CEP89: variants seen among roughly 807,000 people sequenced by gnomAD.
The protein encoded by CEP89 is centrosomal protein 89.
In CEP89, 95 loss-of-function variants were observed where a neutral mutation model predicts 97.6. The observed-to-expected ratio is 0.97, with a 90% CI of 0.82 to 1.15. The LOEUF is 1.15. Ranked by LOEUF, CEP89 falls within the 50% of genes most tolerant of loss-of-function variation. The probability of loss-of-function intolerance (pLI) is 0.00; values close to 1 mark genes in which losing one functional copy is unlikely to be tolerated. For synonymous variants in CEP89, 354 were observed against 349.1 expected (o/e 1.01, Z -0.16); for missense variants, 869 against 947.7 (o/e 0.92, Z 1.09).
intron 1 of CEP89, among the ~76,000 whole-genome samples, chr19:32,966,846 C>T (rs1313090952): frequency 2.0e-5 from 3 of 152,094 alleles, no homozygotes; most frequent in Admixed American, 6.6e-5. Context: ...TATTGTTTTT[C>T]GCTTTGTTTT....
rs8101317 is a variant in CEP89 at position 32,888,956 on chromosome 19, C to T, written c.1876-1115G>A. On this transcript the variant is annotated intron_variant, in intron 16 of 18. Coordinates refer to ENST00000305768, the MANE Select transcript of CEP89 (RefSeq NM_032816.5). ...TCCTGGGTAGCTAGGACTACAGGCA[C>T]GCGCCACCATGCCCAGCTAATTTGG... is the stretch of plus-strand genomic sequence containing the variant. Among the ~76,000 whole-genome samples, 436 of 152,080 alleles carry T rather than the reference C, an allele frequency of 2.9e-3. 2 individuals are homozygous for T. Among genetic ancestry groups the T allele is most frequent in the African/African-American group, 0.01 (418 of 41,536 alleles).
chr19:32,940,643 C>T (rs1970669432), intron 5 of CEP89, among the ~76,000 whole-genome samples: 1 of 152,192 alleles, frequency 6.6e-6, no homozygotes, highest in Non-Finnish European at 1.5e-5. Context: ...GAGAGGAAAA[C>T]AAATCTCACC....
intron 9 of CEP89, among the ~76,000 whole-genome samples, chr19:32,929,344 G>C (rs534035876): frequency 3.3e-5 from 5 of 152,158 alleles, no homozygotes; most frequent in Non-Finnish European, 7.3e-5. Context: ...GTTCATGCCT[G>C]TAATCCCAGC....
At chr19:32,960,303 C>A (rs935106979) in intron 2 of CEP89, among the ~76,000 whole-genome samples, 35 of 152,014 alleles carry the variant, frequency 2.3e-4, no homozygotes, top group African/African-American at 8.5e-4. Context: ...GATTACCTAG[C>A]CAATAGGAGG....
At chr19:32,921,834 C>T (rs1278862410) in intron 12 of CEP89, among the ~76,000 whole-genome samples, 4 of 152,150 alleles carry the variant, frequency 2.6e-5, no homozygotes, top group Admixed American at 6.5e-5. Context: ...TCCCACCTGA[C>T]GCATCGGTGA....
At chr19:32,904,016 C>T (rs1284272386) in intron 14 of CEP89, among the ~76,000 whole-genome samples, 1 of 152,064 alleles carries the variant, frequency 6.6e-6, no homozygotes, top group Non-Finnish European at 1.5e-5. Context: ...AAAAATTAGC[C>T]GGGAGCAGTG....
At chr19:32,958,294 G>A (rs1334333137) in intron 3 of CEP89, among the ~76,000 whole-genome samples, 1 of 152,022 alleles carries the variant, frequency 6.6e-6, no homozygotes, top group African/African-American at 2.4e-5. Context: ...CTAATAGTAG[G>A]AAGGGTCTTA....
At chr19:32,935,571 C>T (rs374398068) in intron 7 of CEP89, among the ~76,000 whole-genome samples, 26 of 152,202 alleles carry the variant, frequency 1.7e-4, no homozygotes, top group East Asian at 1.5e-3. Flanking sequence ...CCCCAGCAAT[C>T]GCCCAGAATA....
At chr19:32,918,884 C>CTTTTTTT (rs11339528) in intron 12 of CEP89, among the ~76,000 whole-genome samples, 2 of 117,648 alleles carry the variant, frequency 1.7e-5, no homozygotes, top group Non-Finnish European at 1.7e-5. Context: ...TTTTCTTTTT[C>CTTTTTTT]TTTTTTTTTT....
intron 4 of CEP89, among the ~76,000 whole-genome samples, chr19:32,951,557 A>ACACACACACACC: frequency 6.6e-6 from 1 of 150,916 alleles, no homozygotes; most frequent in African/African-American, 2.4e-5. Flanking sequence ...ACACACACAC[A>ACACACACACACC]CACACACACG....
chr19:32,903,157 C>T (rs1969817063), intron 14 of CEP89, among the ~76,000 whole-genome samples: 1 of 146,140 alleles, frequency 6.8e-6, no homozygotes, highest in South Asian at 2.2e-4. Context: ...GCCTGGGCAA[C>T]ATAACAAGAC....
chr19:32,879,472 T>C, intron 18 of CEP89, 94 bp from the exon 19 acceptor site: 2 of 1,040,724 alleles, frequency 1.9e-6, no homozygotes, highest in Non-Finnish European at 2.9e-6. Flanking sequence ...AGAAGAACGC[T>C]ATCAGCAGGG....
At chr19:32,915,621 C>G (rs1170759422) in intron 13 of CEP89, 104 bp from the exon 14 acceptor site, 1 of 1,076,678 alleles carries the variant, frequency 9.3e-7, no homozygotes, top group Non-Finnish European at 1.3e-6. Flanking sequence ...ATAAAAATGA[C>G]CTTTTAAAGA....
At chr19:32,927,440 G>T (rs1001287129) in intron 9 of CEP89, among the ~76,000 whole-genome samples, 1 of 151,924 alleles carries the variant, frequency 6.6e-6, no homozygotes, top group Non-Finnish European at 1.5e-5. Context: ...CAGAGCAGGG[G>T]TACCCCATAG....
At chr19:32,927,955 G>A (rs1045690773) in intron 9 of CEP89, among the ~76,000 whole-genome samples, 4 of 130,354 alleles carry the variant, frequency 3.1e-5, no homozygotes, top group African/African-American at 1.2e-4. Context: ...TCGCTCTGTC[G>A]CACAGGCTGG....
At chr19:32,952,894 A>C in intron 4 of CEP89, among the ~76,000 whole-genome samples, 1 of 116,332 alleles carries the variant, frequency 8.6e-6, no homozygotes, top group African/African-American at 3.4e-5. Context: ...ACAGAGCAAG[A>C]CTCTGTCTCA....
chr19:32,884,009 T>C (rs1969341570), intron 17 of CEP89, among the ~76,000 whole-genome samples: 4 of 152,204 alleles, frequency 2.6e-5, no homozygotes, highest in Admixed American at 2.0e-4. Flanking sequence ...TCTCACTATG[T>C]TGCCCAGGCT....
intron 1 of CEP89, among the ~76,000 whole-genome samples, chr19:32,966,980 C>A (rs1481250968): frequency 6.6e-6 from 1 of 152,164 alleles, no homozygotes; most frequent in African/African-American, 2.4e-5. Context: ...TGTTCACCAC[C>A]ATGCCTAGGT....
At chr19:32,948,869 C>T (rs778949472) in intron 4 of CEP89, among the ~76,000 whole-genome samples, 17 of 152,140 alleles carry the variant, frequency 1.1e-4, no homozygotes, top group Non-Finnish European at 2.2e-4. Flanking sequence ...GGACCACAGG[C>T]GTGCACCACC....
Sources: allele counts gnomAD v4.1 joint callset (sites outside exome capture counted in the v4.1 genomes callset), GRCh38; gene constraint gnomAD v4.1.1; transcripts MANE v1.5; gene names NCBI Gene and HGNC (gene_info 2026-07-23, HGNC 2026-07-21).